The following MYH9 variants were observed in gnomAD, a reference collection of about 807,000 sequenced individuals.
MYH9 encodes the protein myosin-9.
A neutral mutation model predicts 241.9 loss-of-function variants in MYH9; 29 were observed. That is an observed-to-expected ratio of 0.12 (90% CI 0.09 to 0.16). MYH9 has a LOEUF of 0.16. MYH9 is among the 10% of genes least tolerant of loss of function. MYH9 has a pLI of 1.00. For missense variants in MYH9, 1,803 were observed against 2,595.5 expected, an observed-to-expected ratio of 0.69 and a Z score of 6.63; for synonymous variants, 1,047 against 1,062.6, an observed-to-expected ratio of 0.99 and a Z score of 0.29.
At chr22:36,332,698 G>T (rs1457691746) in intron 3 of MYH9, among the ~76,000 whole-genome samples, 1 of 134,226 alleles carries the variant, frequency 7.5e-6, no homozygotes, top group African/African-American at 3.0e-5. Flanking sequence ...AAACCTCAAG[G>T]TATTGCTCTT....
chr22:36,352,598 A>G (rs1328462480), intron 1 of MYH9, among the ~76,000 whole-genome samples: 1 of 152,082 alleles, frequency 6.6e-6, no homozygotes, highest in Admixed American at 6.5e-5. Context: ...CACCCAACCA[A>G]CTGCCCTCAG....
chr22:36,371,910 T>C (rs2018096290), intron 1 of MYH9, among the ~76,000 whole-genome samples: 1 of 151,984 alleles, frequency 6.6e-6, no homozygotes, highest in Non-Finnish European at 1.5e-5. Flanking sequence ...GTCTTGACTT[T>C]CCTAGTAAGT....
At chr22:36,374,464 G>A (rs1210289014) in intron 1 of MYH9, among the ~76,000 whole-genome samples, 5 of 152,226 alleles carry the variant, frequency 3.3e-5, no homozygotes, top group African/African-American at 1.2e-4. Flanking sequence ...AGGTTGCAGT[G>A]AGCCAAGATT....
At chr22:36,314,026 C>T in intron 13 of MYH9, 119 bp downstream of exon 13, 1 of 1,342,540 alleles carries the variant, frequency 7.4e-7, no homozygotes. Flanking sequence ...CCGGGTGGCA[C>T]CAAAAGGAAG....
chr22:36,295,167 C>G lies in MYH9; in HGVS notation c.3486-91G>C, dbSNP rs1167705691. 1.3e-6 allele frequency: 2 copies of G among 1,565,740 alleles called. No individual in the cohort carries two copies. Among genetic ancestry groups the G allele is most frequent in the Non-Finnish European group, 1.8e-6 (2 of 1,140,730 alleles). On this transcript the variant is annotated intron_variant, in intron 26 of 40. Coordinates refer to ENST00000216181, the MANE Select transcript of MYH9 (RefSeq NM_002473.6). This position sits in a 1 kb window ranked among gnomAD's most constrained non-coding sequence, Gnocchi z 4.1. ...TTCCCTGACCAAAGAGAGGCCTGGC[C>G]AGGGCACAGGCACTCCAGGCAGCTT...
chr22:36,303,892 G>T, intron 19 of MYH9, 103 bp downstream of exon 19: 1 of 1,379,394 alleles, frequency 7.2e-7, no homozygotes, highest in Non-Finnish European at 1.0e-6. Context: ...TCCCTGACAG[G>T]CATGTGACTG....
intron 1 of MYH9, among the ~76,000 whole-genome samples, chr22:36,363,226 TC>T (rs2017963023): frequency 6.6e-6 from 1 of 152,202 alleles, no homozygotes. Flanking sequence ...CCCAGCGCAA[TC>T]TGCCTTATAC....
At chr22:36,323,328 C>T (rs1196769910) in intron 5 of MYH9, among the ~76,000 whole-genome samples, 2 of 152,254 alleles carry the variant, frequency 1.3e-5, no homozygotes, top group East Asian at 3.8e-4. Flanking sequence ...ATTCCAGTCC[C>T]CTCCCTAACC....
In MYH9 at chr22:36,322,381, G is replaced by A. The variant is rs371064297; in HGVS notation, c.705+48C>T. The A allele has an allele frequency of 2.8e-5, 44 of 1,594,690 alleles. No homozygotes were observed. The Middle Eastern group carries it at 5.0e-4, about 18-fold the overall frequency. Reference sequence around the variant, plus strand: ...AAAAGGCAGCATGAGCCAAAGCTCCGGGCAAGGCCCTCTGTCCCCAGAGCC... The same window carrying A: ...AAAAGGCAGCATGAGCCAAAGCTCCAGGCAAGGCCCTCTGTCCCCAGAGCC... On this transcript the variant is annotated intron_variant, in intron 6 of 40. Transcript: ENST00000216181.
intron 5 of MYH9, chr22:36,324,966 C>T: frequency 1.5e-6 from 1 of 688,060 alleles, no homozygotes. Context: ...TGTCTCCTGT[C>T]TTTCAGGACA....
intron 20 of MYH9, 196 bp downstream of exon 20, chr22:36,302,372 G>A: frequency 1.8e-6 from 1 of 545,052 alleles, no homozygotes; most frequent in Non-Finnish European, 3.4e-6. Context: ...AAAGGGCCGG[G>A]CACAGTGGCT....
chr22:36,306,080 T>A lies in MYH9; in HGVS notation c.2038-29A>T. The A allele has an allele frequency of 6.2e-7, 1 of 1,611,816 alleles. No homozygotes were observed. Among genetic ancestry groups the A allele is most frequent in the Non-Finnish European group, 8.5e-7 (1 of 1,179,948 alleles). ...GAGAAGAAAACACATGCATGCGGTC[T>A]CACTTCCGTGCCTAGAACAGTCGGA... On this transcript the variant is annotated intron_variant, in intron 16 of 40. Transcript: ENST00000216181. This position sits in a 1 kb window ranked among gnomAD's most constrained non-coding sequence, Gnocchi z 4.1.
intron 1 of MYH9, among the ~76,000 whole-genome samples, chr22:36,379,370 G>A (rs1018825413): frequency 8.5e-5 from 13 of 152,210 alleles, no homozygotes; most frequent in African/African-American, 2.7e-4. Flanking sequence ...TTAGCCGGGC[G>A]TGGTGGCGGG....
intron 3 of MYH9, among the ~76,000 whole-genome samples, chr22:36,331,764 C>T (rs1264968530): frequency 3.3e-5 from 5 of 152,226 alleles, no homozygotes; most frequent in Non-Finnish European, 7.3e-5. Context: ...GCAGCTCTCT[C>T]GGGCTCCACC....
intron 1 of MYH9, among the ~76,000 whole-genome samples, chr22:36,358,670 C>T (rs946319618): frequency 3.3e-5 from 5 of 152,256 alleles, no homozygotes; most frequent in Admixed American, 2.6e-4. Flanking sequence ...CCCAGCCCTC[C>T]GCCAACACCA....
intron 2 of MYH9, among the ~76,000 whole-genome samples, chr22:36,346,689 AC>A (rs951675260): frequency 5.9e-5 from 9 of 151,824 alleles, no homozygotes; most frequent in African/African-American, 2.2e-4. Context: ...TGCACCCTTG[AC>A]CCCCTGGGCT....
intron 20 of MYH9, among the ~76,000 whole-genome samples, chr22:36,302,003 C>T (rs2016886240): frequency 6.6e-6 from 1 of 152,040 alleles, no homozygotes; most frequent in South Asian, 2.1e-4. Context: ...TCTAAAAAAA[C>T]GATGCTTATG....
chr22:36,293,197 C>A lies in MYH9; in HGVS notation c.4095+132G>T. On this transcript the variant is annotated intron_variant, in intron 30 of 40. Transcript: ENST00000216181. The surrounding 1 kb of genome is among the most constrained non-coding windows in gnomAD (Gnocchi z 5.1). ...TTGAGAGCACTGATGTGGGAGAGCA[C>A]GGTTGGCTTCCCAGGGGGAGAGCAG... The A allele has an allele frequency of 4.4e-6, 5 of 1,139,874 alleles. No homozygotes were observed. The highest frequency in any genetic ancestry group is 3.8e-6 in the Non-Finnish European group (3 of 789,888). 70.6% of individuals were successfully genotyped at this position (1,139,874 alleles called of 1,614,324 possible).
chr22:36,300,027 G>A lies in MYH9; in HGVS notation c.2976+100C>T. The A allele has an allele frequency of 2.0e-6, 3 of 1,520,618 alleles. No individual in the cohort carries two copies. The highest frequency in any genetic ancestry group is 2.7e-6 in the Non-Finnish European group (3 of 1,109,266). The allele number at this position is 1,520,618 out of a possible 1,614,324, so 94.2% of individuals were successfully genotyped here. A position where few individuals can be genotyped will look rare whatever the true frequency, so the allele number is the denominator to read the frequency against. On this transcript the variant is annotated intron_variant, in intron 23 of 40. Transcript: ENST00000216181. The surrounding 1 kb of genome is among the most constrained non-coding windows in gnomAD (Gnocchi z 5.0). Reference sequence around the variant, plus strand: ...CCTCATGCTGCAGGCAGAAGAGACAGGAAGCAGCAGCAGCGGGGAGCCAGG... The same window carrying A: ...CCTCATGCTGCAGGCAGAAGAGACAAGAAGCAGCAGCAGCGGGGAGCCAGG...
Sources: allele counts gnomAD v4.1 joint callset (sites outside exome capture counted in the v4.1 genomes callset), GRCh38; gene constraint gnomAD v4.1.1; non-coding constraint Gnocchi (gnomAD v3.1); transcripts MANE v1.5; gene names NCBI Gene and HGNC (gene_info 2026-07-23, HGNC 2026-07-21).